The following CEP164 variants were observed in gnomAD, a reference collection of about 807,000 sequenced individuals.
The protein encoded by CEP164 is centrosomal protein 164.
CEP164 carries 162 observed loss-of-function variants against 182.7 expected under a neutral mutation model. The ratio of observed to expected loss-of-function variants is 0.89; its 90% CI spans 0.78 to 1.01. The LOEUF is 1.01. CEP164 is among the 50% of genes least tolerant of loss of function. The pLI is 0.00. For synonymous variants in CEP164, 661 were observed against 690.0 expected (o/e 0.96, Z 0.66); for missense variants, 1,735 against 1,790.4 (o/e 0.97, Z 0.56).
chr11:117,331,714 A>C (rs1241188476), intron 1 of CEP164, among the ~76,000 whole-genome samples: 1 of 150,216 alleles, frequency 6.7e-6, no homozygotes, highest in Non-Finnish European at 1.5e-5. Context: ...GACCAAAACT[A>C]CTGCGGGTCT....
At chr11:117,393,324 G>A (rs1203854530) in intron 20 of CEP164, among the ~76,000 whole-genome samples, 198 bp downstream of exon 20, 1 of 152,166 alleles carries the variant, frequency 6.6e-6, no homozygotes, top group Non-Finnish European at 1.5e-5. Context: ...ACCCTGCCAC[G>A]ATGATGTTTT....
At position 117,381,747 on chromosome 11, in the gene CEP164, C is replaced by T. The variant is rs755863513; in HGVS notation, c.1456C>T (p.Arg486Cys). Residue 486 changes from arginine (R) to cysteine (C), a missense_variant, in exon 13 of 33, where the codon CGC becomes TGC. Coordinates refer to ENST00000278935, the MANE Select transcript of CEP164 (RefSeq NM_014956.5). Reference sequence around the variant, plus strand: ...CGAGGAGCGGGCCCAGAGTCCCCCTCGCAGCCTGGCCACTGAAGAAGAGCC... The same window carrying T: ...CGAGGAGCGGGCCCAGAGTCCCCCTTGCAGCCTGGCCACTGAAGAAGAGCC... ...PHEERAQSPP[R>C]SLATEEEPPQ... 45 of 1,609,224 alleles carry T rather than the reference C, an allele frequency of 2.8e-5. No individual in the cohort carries two copies. The highest frequency in any genetic ancestry group is 1.6e-4 in the East Asian group (7 of 44,766).
intron 4 of CEP164, among the ~76,000 whole-genome samples, chr11:117,351,243 C>T (rs2039586754): frequency 1.3e-5 from 2 of 152,124 alleles, no homozygotes; most frequent in African/African-American, 4.8e-5. Context: ...GTTGGTCAGG[C>T]TGGCCTTGAA....
At chr11:117,332,066 C>T (rs624555) in intron 1 of CEP164, among the ~76,000 whole-genome samples, 5,813 of 151,352 alleles carry the variant, frequency 0.038, 189 homozygotes, top group Non-Finnish European at 0.059. Flanking sequence ...CTCAAGTGAT[C>T]CTAGGCCTTG....
chr11:117,348,144 A>AT (rs991662273), intron 4 of CEP164, among the ~76,000 whole-genome samples: 133 of 151,406 alleles, frequency 8.8e-4, no homozygotes, highest in African/African-American at 3.1e-3. Flanking sequence ...TAATTTTTGT[A>AT]TTTTTTTTGT....
chr11:117,385,377 G>C (rs1202786518), intron 14 of CEP164: 2 of 152,198 alleles, frequency 1.3e-5, no homozygotes, highest in Non-Finnish European at 2.9e-5. Flanking sequence ...CCTTGGAACT[G>C]AGCTAGCAGT....
chr11:117,412,097 C>T lies in CEP164; in HGVS notation c.4312C>T (p.Pro1438Ser), dbSNP rs1333368187. 1.2e-6 allele frequency: 2 copies of T among 1,614,150 alleles called. No homozygotes were observed. The highest frequency in any genetic ancestry group is 3.3e-5 in the Admixed American group (2 of 60,020). ...ACCTCTCTTCTCGTCAACACCCAAG[C>T]CAAAAGCTACTTTGAGCCTCCTGCA... is the stretch of plus-strand genomic sequence containing the variant. ...RLPLFSSTPKPKATLSLLQLG... is the reference protein window; with the variant it reads ...RLPLFSSTPKSKATLSLLQLG... Residue 1438 changes from proline to serine, a missense_variant, in exon 33 of 33, where the codon CCA becomes TCA. Physicochemically the swap from Pro to Ser is moderately conservative, Grantham distance 74. Coordinates refer to ENST00000278935, the MANE Select transcript of CEP164 (RefSeq NM_014956.5).
chr11:117,403,373 A>C (rs944942825), intron 27 of CEP164, among the ~76,000 whole-genome samples: 1 of 152,212 alleles, frequency 6.6e-6, no homozygotes, highest in African/African-American at 2.4e-5. Context: ...GGTGGTGACA[A>C]AATCTCTCAG....
intron 3 of CEP164, among the ~76,000 whole-genome samples, chr11:117,339,511 C>CTTTGTTT (rs537187864): frequency 8.3e-6 from 1 of 119,846 alleles, no homozygotes; most frequent in African/African-American, 3.1e-5. Flanking sequence ...TTACCTTTTC[C>CTTTGTTT]TTTGTTTTTT....
intron 5 of CEP164, among the ~76,000 whole-genome samples, chr11:117,354,313 C>T (rs982796299): frequency 2.0e-5 from 3 of 152,128 alleles, no homozygotes; most frequent in African/African-American, 7.2e-5. Context: ...CCACCACACA[C>T]GGCTCAAGGT....
intron 3 of CEP164, among the ~76,000 whole-genome samples, chr11:117,341,415 C>G (rs188562891): frequency 1.6e-3 from 247 of 152,016 alleles, no homozygotes; most frequent in African/African-American, 5.6e-3. Flanking sequence ...CTGGCTCTTT[C>G]TACCAGTCAC....
chr11:117,378,893 A>G (rs2043021922), intron 11 of CEP164, among the ~76,000 whole-genome samples: 1 of 152,210 alleles, frequency 6.6e-6, no homozygotes. Flanking sequence ...CTTATGGTGT[A>G]TGGCTGATAG....
chr11:117,333,056 A>G (rs977695194), intron 1 of CEP164, among the ~76,000 whole-genome samples: 3 of 152,282 alleles, frequency 2.0e-5, no homozygotes, highest in African/African-American at 7.2e-5. Flanking sequence ...CCTGTCACCC[A>G]GGCTGGAGTG....
chr11:117,333,523 GGCTTCCATTCCTC>G (rs1440355141), intron 1 of CEP164, among the ~76,000 whole-genome samples: 1 of 152,140 alleles, frequency 6.6e-6, no homozygotes, highest in Non-Finnish European at 1.5e-5. Flanking sequence ...ACTATTTCCT[GGCTTCCATTCCTC>G]TCTCTTTTTT....
intron 1 of CEP164, among the ~76,000 whole-genome samples, chr11:117,330,571 C>G (rs2036050711): frequency 6.6e-6 from 1 of 152,096 alleles, no homozygotes; most frequent in African/African-American, 2.4e-5. Flanking sequence ...ATCATTTGAA[C>G]CTGGGAGGCA....
chr11:117,409,025 A>G lies in CEP164; in HGVS notation c.3745A>G (p.Arg1249Gly), dbSNP rs201233959. 62 of 1,613,836 alleles carry G rather than the reference A, an allele frequency of 3.8e-5. 1 individual carries two copies. The South Asian group carries it at 4.0e-4, about 10-fold the overall frequency. The change falls in exon 29 of 33, where the codon AGG (arginine) becomes GGG (glycine). Residue 1249 changes from arginine to glycine, a missense_variant. Arg to Gly is a moderately radical substitution (Grantham distance 125). Transcript: ENST00000278935. This position sits in a 1 kb window ranked among gnomAD's most constrained non-coding sequence, Gnocchi z 4.4. ...TCACCGTGAGTGGTGGCGGCAGCAG[A>G]GGAGTGAGTGGGGGAGATGCGGGGT... ...PPHREWWRQQ[R>G]IDSTPSLTSR...
chr11:117,409,421 C>T lies in CEP164; in HGVS notation c.3749-197C>T. The stretch of plus-strand genomic sequence containing the variant: ...AGCACCTTGCCCTGGAAACCTGTTT[C>T]TCATGGCCAGCTTCTCACTTGCACT... On this transcript the variant is annotated intron_variant, in intron 29 of 32. Transcript: ENST00000278935. The surrounding 1 kb of genome is among the most constrained non-coding windows in gnomAD (Gnocchi z 4.4). 3.3e-6 allele frequency: 2 copies of T among 605,950 alleles called. No individual in the cohort carries two copies. The highest frequency in any genetic ancestry group is 4.4e-5 in the South Asian group (2 of 45,902). 37.5% of individuals were successfully genotyped at this position (605,950 alleles called of 1,614,324 possible).
intron 11 of CEP164, 22 bp downstream of exon 11, chr11:117,375,813 G>C: frequency 2.5e-6 from 4 of 1,609,500 alleles, no homozygotes; most frequent in Non-Finnish European, 3.4e-6. Context: ...TGGGTGGTGG[G>C]CTGAGCTGGG....
At chr11:117,359,510 G>T (rs2040694818) in intron 5 of CEP164, 1 of 985,272 alleles carries the variant, frequency 1.0e-6, no homozygotes, top group Non-Finnish European at 1.2e-6. Context: ...TGCAGAAATG[G>T]GCCCTGCTGG....
Sources: gnomAD v4.1 joint callset for allele counts (sites outside exome capture counted in the v4.1 genomes callset) on GRCh38, gnomAD v4.1.1 for gene constraint, Gnocchi (gnomAD v3.1) non-coding constraint, MANE v1.5 for transcripts, NCBI Gene and HGNC (gene_info 2026-07-23, HGNC 2026-07-21) for gene names.